Variants in DFFA observed in about 807,000 individuals in gnomAD.
DFFA encodes the protein DFF45.
A neutral mutation model predicts 28.0 loss-of-function variants in DFFA; 14 were observed. The observed-to-expected ratio is 0.50, with a 90% CI of 0.33 to 0.78. The LOEUF is 0.78. DFFA is among the 30% of genes least tolerant of loss of function. The probability of loss-of-function intolerance (pLI) is 0.02; values close to 1 mark genes in which losing one functional copy is unlikely to be tolerated. For synonymous variants in DFFA, 158 were observed against 170.3 expected (o/e 0.93, Z 0.56); for missense variants, 395 against 407.1 (o/e 0.97, Z 0.26).
At chr1:10,467,820 CT>C (rs1207146182) in intron 2 of DFFA, among the ~76,000 whole-genome samples, 1 of 152,134 alleles carries the variant, frequency 6.6e-6, no homozygotes. Flanking sequence ...CCTCTTTCAT[CT>C]TTATCTCTGT....
rs1641106579 is a variant in DFFA, at chr1:10,472,118, C to G, written c.136+205G>C. ...CATTGCTTCCTGGCTGTCTTCCCAC[C>G]ACCGTGGAGTCTCACACGAGATTAA... On this transcript the variant is annotated intron_variant, in intron 1 of 5. Coordinates refer to ENST00000377038, the MANE Select transcript of DFFA (RefSeq NM_004401.3). The surrounding 1 kb of genome is among the most constrained non-coding windows in gnomAD (Gnocchi z 5.0). 6.6e-6 allele frequency among the ~76,000 whole-genome samples: 1 copy of G among 152,188 alleles called. No individual in the cohort carries two copies. Among genetic ancestry groups the G allele is most frequent in the Non-Finnish European group, 1.5e-5 (1 of 68,046 alleles).
chr1:10,462,751 A>G (rs1640965488), intron 5 of DFFA: 12 of 1,210,398 alleles, frequency 9.9e-6, no homozygotes, highest in African/African-American at 3.0e-5. Context: ...TGACCATGGA[A>G]AGACCCAGAA....
chr1:10,461,843 C>T (rs1265085516), intron 5 of DFFA, 141 bp from the exon 6 acceptor site: 3 of 1,455,184 alleles, frequency 2.1e-6, no homozygotes, highest in East Asian at 2.4e-5. Flanking sequence ...GTTTCCTTTA[C>T]CATTAATTGC....
intron 2 of DFFA, among the ~76,000 whole-genome samples, chr1:10,467,668 G>A (rs1641041917): frequency 6.6e-6 from 1 of 152,052 alleles, no homozygotes; most frequent in Admixed American, 6.6e-5. Flanking sequence ...CCACCACCAT[G>A]ACCAGCTAAT....
At chr1:10,467,043 G>GA (rs1641032857) in intron 3 of DFFA, 147 bp downstream of exon 3, 1 of 907,132 alleles carries the variant, frequency 1.1e-6, no homozygotes, top group East Asian at 3.2e-5. Flanking sequence ...ATGAGAAGAT[G>GA]AAAAATCTTA....
At chr1:10,463,006 C>T in intron 5 of DFFA, 52 bp downstream of exon 5, 4 of 1,609,926 alleles carry the variant, frequency 2.5e-6, no homozygotes, top group Non-Finnish European at 3.4e-6. Flanking sequence ...GATACTACTA[C>T]ATCCCAGGGC....
rs181425390 is a variant in DFFA, at chr1:10,457,740, G to C, written c.*3750C>G. The C allele has an allele frequency of 6.6e-6, 1 of 152,250 alleles. No individual in the cohort carries two copies. The highest frequency in any genetic ancestry group is 6.5e-5 in the Admixed American group (1 of 15,270). 9.4% of individuals were successfully genotyped at this position (152,250 alleles called of 1,614,324 possible). On this transcript the variant is annotated 3_prime_UTR_variant, in exon 6 of 6. Coordinates refer to ENST00000377038, the MANE Select transcript of DFFA (RefSeq NM_004401.3). ...TAACCCTTTCAAGCTTGGAGCCTTA[G>C]ACTAACTGAGAGGTTAGACTCAAGC... is the stretch of plus-strand genomic sequence containing the variant.
intron 2 of DFFA, among the ~76,000 whole-genome samples, 171 bp downstream of exon 2, chr1:10,469,006 T>G (rs1268395119): frequency 6.6e-6 from 1 of 152,136 alleles, no homozygotes; most frequent in Non-Finnish European, 1.5e-5. Flanking sequence ...GCCTCATTCA[T>G]CTTTATCCCC....
rs1410320058 is a variant in DFFA, at chr1:10,458,407, G to T, written c.*3083C>A. On this transcript the variant is annotated 3_prime_UTR_variant, in exon 6 of 6. Transcript: ENST00000377038. ...AAATGTTGGGGTGAGAGCCAATGGAGGGCATTAGTAAAAGGATGCTGAGTA... is the reference window on the plus strand; with the variant it reads ...AAATGTTGGGGTGAGAGCCAATGGATGGCATTAGTAAAAGGATGCTGAGTA... The T allele has an allele frequency of 6.6e-6, 1 of 152,134 alleles. No homozygotes were observed. The highest frequency in any genetic ancestry group is 1.5e-5 in the Non-Finnish European group (1 of 68,040). The allele number at this position is 152,134 out of a possible 1,614,324, so 9.4% of individuals were successfully genotyped here.
At chr1:10,462,093 T>C (rs187754130) in intron 5 of DFFA, among the ~76,000 whole-genome samples, 8,042 of 152,058 alleles carry the variant, frequency 0.053, 276 homozygotes, top group South Asian at 0.08. Context: ...CTCCTGACCT[T>C]GTGATCCGCC....
chr1:10,463,279 A>G, intron 4 of DFFA, 70 bp from the exon 5 acceptor site: 2 of 1,583,764 alleles, frequency 1.3e-6, no homozygotes, highest in Non-Finnish European at 1.7e-6. Flanking sequence ...ACTCGCCAGA[A>G]TAACTGGCCG....
Position 10,461,621 on chromosome 1 carries a change from A to G in DFFA, c.865T>C (p.Cys289Arg). 1.2e-6 allele frequency: 2 copies of G among 1,614,238 alleles called. No individual in the cohort carries two copies. Among genetic ancestry groups the G allele is most frequent in the Non-Finnish European group, 1.7e-6 (2 of 1,180,038 alleles). The change falls in exon 6 of 6, where the codon TGT becomes CGT. Residue 289 changes from cysteine (C) to arginine (R), a missense_variant. Cys to Arg is a radical substitution (Grantham distance 180, BLOSUM62 -3). Coordinates refer to ENST00000377038, the MANE Select transcript of DFFA (RefSeq NM_004401.3). ...AGGCGCAGGGCGAGCTCCCGCTCAC[A>G]GGCCTCCTGAACAGTCTCCGTCTTC... ...IKKTETVQEACERELALRLQQ... is the reference protein window; with the variant it reads ...IKKTETVQEARERELALRLQQ...
intron 3 of DFFA, among the ~76,000 whole-genome samples, chr1:10,464,733 A>C (rs542202642): frequency 2.0e-5 from 3 of 152,174 alleles, no homozygotes; most frequent in East Asian, 1.9e-4. Flanking sequence ...CCAAACCAAA[A>C]CAAAAAACAC....
Position 10,461,231 on chromosome 1 carries a change from C to G in DFFA, c.*259G>C, listed in dbSNP as rs1640929938. On this transcript the variant is annotated 3_prime_UTR_variant, in exon 6 of 6. Transcript: ENST00000377038. ...CCAATCACTGCCAATTACTTTTGAA[C>G]AGAGAACATCATATGTAATTAGAGG... 6.5e-6 allele frequency: 3 copies of G among 463,354 alleles called. No homozygotes were observed. Among genetic ancestry groups the G allele is most frequent in the African/African-American group, 5.8e-5 (3 of 51,290 alleles). The allele number at this position is 463,354 out of a possible 1,614,324, so 28.7% of individuals were successfully genotyped here.
chr1:10,457,528 C>T lies in DFFA; in HGVS notation c.*3962G>A, dbSNP rs1388280361. 1 of 151,944 alleles carries T rather than the reference C, an allele frequency of 6.6e-6. No individual in the cohort carries two copies. Among genetic ancestry groups the T allele is most frequent in the Non-Finnish European group, 1.5e-5 (1 of 68,010 alleles). The allele number at this position is 151,944 out of a possible 1,614,324, so 9.4% of individuals were successfully genotyped here. A position where few individuals can be genotyped will look rare whatever the true frequency, so the allele number is the denominator to read the frequency against. ...TGTCTACTAAAAATACCAAAAAAAA[C>T]TTAGCCGGGTGTGGTGGCGGGCACC... On this transcript the variant is annotated 3_prime_UTR_variant, in exon 6 of 6. Coordinates refer to ENST00000377038, the MANE Select transcript of DFFA (RefSeq NM_004401.3).
chr1:10,462,881 T>C, intron 5 of DFFA, 177 bp downstream of exon 5: 1 of 1,420,190 alleles, frequency 7.0e-7, no homozygotes, highest in Non-Finnish European at 9.2e-7. Flanking sequence ...TCTTTAAAGC[T>C]ATTTTGATTT....
At chr1:10,463,277 G>A in intron 4 of DFFA, 68 bp from the exon 5 acceptor site, 1 of 1,585,770 alleles carries the variant, frequency 6.3e-7, no homozygotes, top group South Asian at 1.1e-5. Flanking sequence ...CAACTCGCCA[G>A]AATAACTGGC....
At chr1:10,469,500 G>T (rs753599687) in intron 1 of DFFA, among the ~76,000 whole-genome samples, 162 bp from the exon 2 acceptor site, 4 of 152,042 alleles carry the variant, frequency 2.6e-5, no homozygotes, top group Non-Finnish European at 4.4e-5. Flanking sequence ...CACTCATCAC[G>T]TGCCTGATTC....
chr1:10,468,165 C>T (rs1171736180), intron 2 of DFFA, among the ~76,000 whole-genome samples: 2 of 151,990 alleles, frequency 1.3e-5, no homozygotes, highest in Non-Finnish European at 2.9e-5. Context: ...AAACTAATCC[C>T]CTCTCAAGAC....
Sources: allele counts gnomAD v4.1 joint callset (sites outside exome capture counted in the v4.1 genomes callset), GRCh38; gene constraint gnomAD v4.1.1; non-coding constraint Gnocchi (gnomAD v3.1); transcripts MANE v1.5; gene names NCBI Gene and HGNC (gene_info 2026-07-23, HGNC 2026-07-21).